SEMA3B: variants seen among roughly 807,000 people sequenced by gnomAD.
SEMA3B encodes the protein semaphorin 3B.
In SEMA3B, 71 loss-of-function variants were observed where a neutral mutation model predicts 77.8. That is an observed-to-expected ratio of 0.91 (90% CI 0.75 to 1.11). The LOEUF (loss-of-function observed/expected upper bound fraction) is 1.11. SEMA3B is among the 50% of genes most tolerant of loss of function. The pLI, the probability that SEMA3B is intolerant of heterozygous loss-of-function variation, is 0.00. For synonymous variants in SEMA3B, 470 were observed against 452.9 expected (o/e 1.04, Z -0.48); for missense variants, 968 against 1,056.8 (o/e 0.92, Z 1.17).
At chr3:50,261,603 G>GT in the SEMA3B span, 1 of 152,434 alleles carries the variant, frequency 6.6e-6, no homozygotes, top group Non-Finnish European at 1.5e-5. Context: ...GTCCCAGCAG[G>GT]TAGGTGCAGA....
At chr3:50,271,776 G>A (rs1207762679) in intron 6 of SEMA3B, among the ~76,000 whole-genome samples, 1 of 152,210 alleles carries the variant, frequency 6.6e-6, no homozygotes, top group Non-Finnish European at 1.5e-5. Flanking sequence ...GGAAGCCGCT[G>A]TGCTGAGGGG....
upstream of SEMA3B, among the ~76,000 whole-genome samples, chr3:50,265,210 G>A (rs137942357): frequency 5.2e-3 from 792 of 152,262 alleles, 5 homozygotes; most frequent in African/African-American, 0.017. Flanking sequence ...TCCTATGGCC[G>A]CCCACGCCTG....
chr3:50,271,222 A>C (rs150111037), intron 5 of SEMA3B, 41 bp downstream of exon 5: 1 of 1,549,454 alleles, frequency 6.5e-7, no homozygotes, highest in Non-Finnish European at 8.7e-7. Flanking sequence ...CCCCTTAGAA[A>C]CTCTAGAACC....
chr3:50,261,878 G>C, the SEMA3B span: 1 of 152,278 alleles, frequency 6.6e-6, no homozygotes, highest in East Asian at 1.9e-4. Flanking sequence ...CCAAGTCCTA[G>C]CAACCCTAGG....
In SEMA3B at chr3:50,270,046, C is replaced by T; in HGVS notation, c.110-81C>T. ...GGCCAGGTCCTAATGGCAACCTTGGCCGATAGAGTCACCACCAGGCAGGAC... is the reference window on the plus strand; with the variant it reads ...GGCCAGGTCCTAATGGCAACCTTGGTCGATAGAGTCACCACCAGGCAGGAC... On this transcript the variant is annotated intron_variant, in intron 1 of 16. Transcript: ENST00000616701. The surrounding 1 kb of genome is among the most constrained non-coding windows in gnomAD (Gnocchi z 4.7). 2.1e-6 allele frequency: 3 copies of T among 1,420,958 alleles called. No individual in the cohort carries two copies. Among genetic ancestry groups the T allele is most frequent in the South Asian group, 1.4e-5 (1 of 68,970 alleles). The allele number at this position is 1,420,958 out of a possible 1,614,324, so 88.0% of individuals were successfully genotyped here.
upstream of SEMA3B, among the ~76,000 whole-genome samples, chr3:50,265,778 T>G (rs1700885866): frequency 6.6e-6 from 1 of 151,836 alleles, no homozygotes; most frequent in Admixed American, 6.6e-5. Flanking sequence ...GCTCCTGGAG[T>G]GCTGACCTCC....
At position 50,270,539 on chromosome 3, in the gene SEMA3B, C is replaced by T; in HGVS notation, c.330+44C>T. Reference sequence around the variant, plus strand: ...GGCCGGGAGTGGGGAGGGTCAGCCCCTCACCCCAGAGACAGGGCAGGGCTA... The same window carrying T: ...GGCCGGGAGTGGGGAGGGTCAGCCCTTCACCCCAGAGACAGGGCAGGGCTA... On this transcript the variant is annotated intron_variant, in intron 3 of 16. Transcript: ENST00000616701. The surrounding 1 kb of genome is among the most constrained non-coding windows in gnomAD (Gnocchi z 4.7). The T allele has an allele frequency of 1.9e-6, 3 of 1,612,042 alleles. No homozygotes were observed. The highest frequency in any genetic ancestry group is 1.7e-4 in the Middle Eastern group (1 of 6,052).
rs1701021433 is a variant in SEMA3B, at chr3:50,270,574, C to G, written c.330+79C>G. The G allele has an allele frequency of 1.3e-6, 2 of 1,584,840 alleles. No homozygotes were observed. Among genetic ancestry groups the G allele is most frequent in the Admixed American group, 1.7e-5 (1 of 59,348 alleles). On this transcript the variant is annotated intron_variant, in intron 3 of 16. Transcript: ENST00000616701. The surrounding 1 kb of genome is among the most constrained non-coding windows in gnomAD (Gnocchi z 4.7). Reference sequence around the variant, plus strand: ...AGACAGGGCAGGGCTAAAACAGAGGCCTGCCTGTTCTGGCTGGGATGAGGG... The same window carrying G: ...AGACAGGGCAGGGCTAAAACAGAGGGCTGCCTGTTCTGGCTGGGATGAGGG...
rs587754701 is a variant in SEMA3B at position 50,271,838 on chromosome 3, TGAGCATTCCAGGCAGAGG to T, written c.664+382_664+399del. Among the ~76,000 whole-genome samples the T allele has an allele frequency of 5.8e-3, 880 of 152,226 alleles. 8 individuals are homozygous for T. The highest frequency in any genetic ancestry group is 0.02 in the African/African-American group (814 of 41,512). On this transcript the variant is annotated intron_variant, in intron 6 of 16. Transcript: ENST00000616701. ...ACAGCTAGCCAGCAAAATTTAGGGA[TGAGCATTCCAGGCAGAGG>T]GAGCATTCCAGGCAGAGGGAGCAAC...
chr3:50,270,861 G>A lies in SEMA3B; in HGVS notation c.331-29G>A. 1 of 1,573,300 alleles carries A rather than the reference G, an allele frequency of 6.4e-7. No individual in the cohort carries two copies. The highest frequency in any genetic ancestry group is 8.6e-7 in the Non-Finnish European group (1 of 1,158,992). ...GGACCTCTTAAGGCTACGTCCCTGG[G>A]GGAAGCCTCACACCTCCAACCCTAC... On this transcript the variant is annotated intron_variant, in intron 3 of 16. Coordinates refer to ENST00000616701, the MANE Select transcript of SEMA3B (RefSeq NM_001290060.2). This position sits in a 1 kb window ranked among gnomAD's most constrained non-coding sequence, Gnocchi z 4.7.
In SEMA3B at chr3:50,275,789, T is replaced by G; in HGVS notation, c.1790T>G (p.Leu597Arg). 2.5e-6 allele frequency: 4 copies of G among 1,612,296 alleles called. No homozygotes were observed. Among genetic ancestry groups the G allele is most frequent in the Non-Finnish European group, 3.4e-6 (4 of 1,179,790 alleles). Reference protein sequence around the residue: ...SAFLECEPRSLQARVEWTFQR... With the variant: ...SAFLECEPRSRQARVEWTFQR... ...TTTCTGGAGTGTGAGCCCCGCTCGCTGCAGGCGCGCGTGGAGTGGACTTTC... is the reference window on the plus strand; with the variant it reads ...TTTCTGGAGTGTGAGCCCCGCTCGCGGCAGGCGCGCGTGGAGTGGACTTTC... The change falls in exon 16 of 17, where the codon CTG becomes CGG. Residue 597 changes from leucine to arginine, a missense_variant. Physicochemically the swap from Leu to Arg is moderately radical, Grantham distance 102. Coordinates refer to ENST00000616701, the MANE Select transcript of SEMA3B (RefSeq NM_001290060.2). This position sits in a 1 kb window ranked among gnomAD's most constrained non-coding sequence, Gnocchi z 7.5.
chr3:50,271,568 G>A (rs1701055561), intron 6 of SEMA3B, 88 bp downstream of exon 6: 1 of 1,528,450 alleles, frequency 6.5e-7, no homozygotes, highest in South Asian at 1.2e-5. Flanking sequence ...AGTGAGCAGT[G>A]GGTGTGGCCA....
chr3:50,272,194 C>T (rs1159286633), intron 6 of SEMA3B, among the ~76,000 whole-genome samples: 1 of 152,110 alleles, frequency 6.6e-6, no homozygotes, highest in Non-Finnish European at 1.5e-5. Context: ...ATCACTTGAG[C>T]CCAGGAGTTG....
chr3:50,273,194 T>C lies in SEMA3B; in HGVS notation c.665-104T>C. On this transcript the variant is annotated intron_variant, in intron 6 of 16. Transcript: ENST00000616701. The surrounding 1 kb of genome is among the most constrained non-coding windows in gnomAD (Gnocchi z 6.5). ...GAGGTTGGGTGGTCAGACACTGTGA[T>C]CCCGGGTGCTGTGCCCGCACTACGG... 1.4e-6 allele frequency: 2 copies of C among 1,474,384 alleles called. No homozygotes were observed. Among genetic ancestry groups the C allele is most frequent in the Non-Finnish European group, 9.1e-7 (1 of 1,101,576 alleles). 91.3% of individuals were successfully genotyped at this position (1,474,384 alleles called of 1,614,324 possible). A position where few individuals can be genotyped will look rare whatever the true frequency, so the allele number is the denominator to read the frequency against.
At chr3:50,263,499 A>AC (rs1700857847), upstream of SEMA3B, 2 of 81,028 alleles carry the variant, frequency 2.5e-5, no homozygotes, top group African/African-American at 4.6e-5. Context: ...ATCCTGTCTC[A>AC]AAAAAAAAAA....
upstream of SEMA3B, among the ~76,000 whole-genome samples, chr3:50,266,371 C>T (rs1559782798): frequency 6.6e-6 from 1 of 152,194 alleles, no homozygotes; most frequent in South Asian, 2.1e-4. Context: ...CCTGAAGGGC[C>T]CTGCGGCTCC....
chr3:50,273,659 G>C lies in SEMA3B; in HGVS notation c.922+13G>C. 1 of 1,607,976 alleles carries C rather than the reference G, an allele frequency of 6.2e-7. No homozygotes were observed. The highest frequency in any genetic ancestry group is 8.5e-7 in the Non-Finnish European group (1 of 1,178,896). On this transcript the variant is annotated intron_variant, in intron 8 of 16. Coordinates refer to ENST00000616701, the MANE Select transcript of SEMA3B (RefSeq NM_001290060.2). This position sits in a 1 kb window ranked among gnomAD's most constrained non-coding sequence, Gnocchi z 6.5. ...TTCGATCAGCTCCGTGAGTGCGGGA[G>C]TGGGTATGGGGTTGGGGAGGGGGGC...
At chr3:50,267,565 ACGGCACGGCGGG>A (rs1242409386), upstream of SEMA3B, 1 of 151,786 alleles carries the variant, frequency 6.6e-6, no homozygotes, top group East Asian at 1.9e-4. The surrounding 1 kb of genome is among the most constrained non-coding windows in gnomAD (Gnocchi z 5.7). Flanking sequence ...TCTAAACTTT[ACGGCACGGCGGG>A]CGGTGCGTGG....
At position 50,270,494 on chromosome 3, in the gene SEMA3B, G is replaced by T. The variant is rs1304682426; in HGVS notation, c.329G>T (p.Gly110Val). Residue 110 changes from glycine to valine, a missense_variant and splice_region_variant, in exon 3 of 17, where the codon GGT becomes GTT. Coordinates refer to ENST00000616701, the MANE Select transcript of SEMA3B (RefSeq NM_001290060.2). This position sits in a 1 kb window ranked among gnomAD's most constrained non-coding sequence, Gnocchi z 4.7. ...TGCAACTGGGCAGGGAAGGACATTG[G>T]TGTGAGTGCCAGCTGCCCGGGCCGG... ...EECNWAGKDI[G>V]TECMNFVKLL... is the part of the protein sequence containing the mutation. 2 of 1,613,450 alleles carry T rather than the reference G, an allele frequency of 1.2e-6. No individual in the cohort carries two copies. Among genetic ancestry groups the T allele is most frequent in the East Asian group, 2.2e-5 (1 of 44,886 alleles).
Sources: gnomAD v4.1 joint callset for allele counts (sites outside exome capture counted in the v4.1 genomes callset) on GRCh38, gnomAD v4.1.1 for gene constraint, Gnocchi (gnomAD v3.1) non-coding constraint, MANE v1.5 for transcripts, NCBI Gene and HGNC (gene_info 2026-07-23, HGNC 2026-07-21) for gene names.